Variants in FGF13 observed in about 807,000 individuals in gnomAD.
FGF13 encodes the protein fibroblast growth factor homologous factor 2.
FGF13 carries 2 observed loss-of-function variants against 19.5 expected under a neutral mutation model. The ratio of observed to expected loss-of-function variants is 0.10; its 90% confidence interval spans 0.04 to 0.32. FGF13 has a LOEUF of 0.32. Ranked by LOEUF, FGF13 falls within the 10% of genes least tolerant of loss-of-function variation. The probability of loss-of-function intolerance (pLI) is 1.00; values close to 1 mark genes in which losing one functional copy is unlikely to be tolerated. For synonymous variants in FGF13, 72 were observed against 76.9 expected (o/e 0.94, Z 0.33); for missense variants, 113 against 192.7 (o/e 0.59, Z 2.45).
intron 1 of FGF13, among the ~76,000 whole-genome samples, chrX:139,139,780 G>A (rs1014203557): frequency 1.8e-5 from 2 of 111,720 alleles, no homozygotes; most frequent in South Asian, 3.8e-4. Context: ...CATACCGTAA[G>A]AGAAAAACAC....
intron 1 of FGF13, among the ~76,000 whole-genome samples, chrX:138,737,741 C>G (rs62602171): frequency 1.8e-5 from 2 of 111,519 alleles, no homozygotes; most frequent in African/African-American, 6.5e-5. Flanking sequence ...CACTCAAATA[C>G]TTTACAAGCA....
At chrX:138,695,373 C>A (rs1355120905) in intron 3 of FGF13, among the ~76,000 whole-genome samples, 1 of 111,653 alleles carries the variant, frequency 9.0e-6, no homozygotes, top group Non-Finnish European at 1.9e-5. Context: ...CTGTAACTGA[C>A]CCTAGACTGG....
intron 1 of FGF13, among the ~76,000 whole-genome samples, chrX:139,132,014 C>T (rs1399615982): frequency 8.9e-6 from 1 of 112,151 alleles, no homozygotes; most frequent in African/African-American, 3.2e-5. Flanking sequence ...CTAAATCTTT[C>T]ACATTCATCA....
intron 1 of FGF13, among the ~76,000 whole-genome samples, chrX:139,134,208 T>C (rs1225132531): frequency 9.0e-6 from 1 of 111,724 alleles, no homozygotes; most frequent in East Asian, 2.8e-4. Flanking sequence ...TGTGTACTAA[T>C]ACTATGTGTC....
chrX:138,662,309 C>T (rs1207135989), intron 3 of FGF13, among the ~76,000 whole-genome samples: 1 of 111,505 alleles, frequency 9.0e-6, no homozygotes, highest in African/African-American at 3.3e-5. Context: ...TAGGTAATGA[C>T]AAGTACAATA....
At chrX:138,898,090 C>T (rs759349305) in intron 1 of FGF13, among the ~76,000 whole-genome samples, 2 of 111,004 alleles carry the variant, frequency 1.8e-5, no homozygotes, top group Admixed American at 9.6e-5. Flanking sequence ...ATCTTTCTCC[C>T]GCTACAAGAG....
chrX:139,067,855 G>A (rs1466795971), intron 1 of FGF13, among the ~76,000 whole-genome samples: 2 of 109,650 alleles, frequency 1.8e-5, no homozygotes, highest in African/African-American at 6.7e-5. Context: ...TTGTAAATTT[G>A]TTGGAGTTCA....
chrX:139,023,489 GAA>G (rs1491416137), intron 1 of FGF13, among the ~76,000 whole-genome samples: 3 of 110,453 alleles, frequency 2.7e-5, no homozygotes, highest in Non-Finnish European at 5.7e-5. Flanking sequence ...AGAGAGAAGG[GAA>G]GAGAGAGAGA....
At chrX:139,203,069 C>A (rs947771735) in intron 1 of FGF13, among the ~76,000 whole-genome samples, 22 of 112,433 alleles carry the variant, frequency 2.0e-4, no homozygotes, top group Non-Finnish European at 4.1e-4. Context: ...TGGAGCTAAT[C>A]CCGGTCCTGA....
At chrX:139,124,138 C>A (rs966822126) in intron 1 of FGF13, among the ~76,000 whole-genome samples, 7 of 112,083 alleles carry the variant, frequency 6.2e-5, no homozygotes, top group African/African-American at 2.3e-4. Context: ...CACCAGTGAA[C>A]CCCCATGTGT....
chrX:139,082,489 C>A (rs1480661889), intron 1 of FGF13, among the ~76,000 whole-genome samples: 2 of 111,607 alleles, frequency 1.8e-5, no homozygotes, highest in Admixed American at 1.9e-4. Context: ...AAAGTGGGCT[C>A]TATATCCAAT....
intron 1 of FGF13, among the ~76,000 whole-genome samples, chrX:139,165,789 T>C (rs1488650567): frequency 9.0e-6 from 1 of 111,687 alleles, no homozygotes; most frequent in Non-Finnish European, 1.9e-5. Flanking sequence ...GCCCAAAGAA[T>C]GCAAGAACTG....
At chrX:139,114,536 G>C (rs2083625880) in intron 1 of FGF13, among the ~76,000 whole-genome samples, 1 of 111,475 alleles carries the variant, frequency 9.0e-6, no homozygotes. Flanking sequence ...TCCTGGAGGA[G>C]ATAACACATG....
chrX:139,203,257 C>A (rs1186081991), intron 1 of FGF13, among the ~76,000 whole-genome samples: 1 of 111,060 alleles, frequency 9.0e-6, no homozygotes, highest in African/African-American at 3.3e-5. Flanking sequence ...GGTGGCTGAA[C>A]CCCAGCAAAC....
At chrX:138,757,308 C>T (rs1222740882) in intron 3 of FGF13, among the ~76,000 whole-genome samples, 3 of 109,997 alleles carry the variant, frequency 2.7e-5, no homozygotes, top group Non-Finnish European at 5.7e-5. Flanking sequence ...CGCTGAATTC[C>T]AAGTGGCATG....
intron 1 of FGF13, among the ~76,000 whole-genome samples, chrX:138,872,581 T>G (rs1413588777): frequency 1.8e-5 from 2 of 112,373 alleles, no homozygotes; most frequent in Non-Finnish European, 3.8e-5. Flanking sequence ...AATCCAGATT[T>G]CCTCAACTGG....
At chrX:138,686,837 T>C (rs1008583925) in intron 3 of FGF13, among the ~76,000 whole-genome samples, 10 of 112,011 alleles carry the variant, frequency 8.9e-5, no homozygotes, top group African/African-American at 2.9e-4. Flanking sequence ...TAGTATTCAA[T>C]GATGCATAAT....
chrX:138,652,145 T>C (rs1196124153), intron 3 of FGF13, among the ~76,000 whole-genome samples: 2 of 111,314 alleles, frequency 1.8e-5, no homozygotes, highest in Admixed American at 1.9e-4. Context: ...GTCCCTTTAA[T>C]ATGCTAAGCA....
intron 3 of FGF13, among the ~76,000 whole-genome samples, chrX:138,652,061 A>C (rs1287923080): frequency 1.8e-5 from 2 of 111,979 alleles, no homozygotes; most frequent in African/African-American, 6.5e-5. Flanking sequence ...TGATCTGACC[A>C]CTACTACGTC....
Sources: gnomAD v4.1 joint callset for allele counts (sites outside exome capture counted in the v4.1 genomes callset) on GRCh38, gnomAD v4.1.1 for gene constraint, MANE v1.5 for transcripts, NCBI Gene and HGNC (gene_info 2026-07-23, HGNC 2026-07-21) for gene names.